The following DAPK1 variants were observed in gnomAD, a reference collection of about 807,000 sequenced individuals.
DAPK1 encodes death associated protein kinase 1, also known as death-associated protein kinase 1.
A neutral mutation model predicts 144.9 loss-of-function variants in DAPK1; 56 were observed. The observed-to-expected ratio is 0.39, with a 90% confidence interval of 0.31 to 0.48. The LOEUF is 0.48. Among genes scored for constraint, DAPK1 ranks in the 20% least tolerant of loss-of-function variants. The probability of loss-of-function intolerance (pLI) is 0.95; values close to 1 mark genes in which losing one functional copy is unlikely to be tolerated. For missense variants in DAPK1, 1,454 were observed against 1,875.4 expected, an observed-to-expected ratio of 0.78 and a Z score of 4.15; for synonymous variants, 690 against 749.0, an observed-to-expected ratio of 0.92 and a Z score of 1.29.
At chr9:87,576,534 C>T (rs899858910) in intron 2 of DAPK1, among the ~76,000 whole-genome samples, 5 of 151,942 alleles carry the variant, frequency 3.3e-5, no homozygotes, top group Non-Finnish European at 5.9e-5. Context: ...TGATAAATTA[C>T]TGTGTTTCTC....
chr9:87,540,802 G>A (rs1008346063), intron 2 of DAPK1, among the ~76,000 whole-genome samples: 7 of 152,028 alleles, frequency 4.6e-5, no homozygotes, highest in Non-Finnish European at 8.8e-5. Flanking sequence ...GTCTCTTAAG[G>A]GAACCTGCAT....
intron 24 of DAPK1, chr9:87,701,834 A>G (rs1357167433): frequency 4.3e-6 from 2 of 468,898 alleles, no homozygotes; most frequent in East Asian, 1.4e-4. Flanking sequence ...TCCTGTCTCC[A>G]GAAAACCCTG....
chr9:87,662,641 A>T (rs1449726894), intron 18 of DAPK1, among the ~76,000 whole-genome samples: 1 of 128,666 alleles, frequency 7.8e-6, no homozygotes, highest in African/African-American at 3.0e-5. Flanking sequence ...CGTCATTGGT[A>T]TATAGGAACT....
At chr9:87,621,245 A>G (rs1587778017) in intron 3 of DAPK1, among the ~76,000 whole-genome samples, 1 of 152,036 alleles carries the variant, frequency 6.6e-6, no homozygotes, top group South Asian at 2.1e-4. Flanking sequence ...GTGGCTGGAG[A>G]TGATCACCTG....
intron 2 of DAPK1, among the ~76,000 whole-genome samples, chr9:87,547,749 CTCTGAAGGCCA>C (rs1469645112): frequency 2.0e-5 from 3 of 152,034 alleles, no homozygotes; most frequent in African/African-American, 7.2e-5. Flanking sequence ...CTCATCTGGA[CTCTGAAGGCCA>C]TCTGCTGGCA....
intron 2 of DAPK1, among the ~76,000 whole-genome samples, chr9:87,591,638 T>C (rs188476272): frequency 6.6e-6 from 1 of 152,346 alleles, no homozygotes; most frequent in East Asian, 1.9e-4. Context: ...AATGCATTGG[T>C]GGGTCACTAT....
intron 2 of DAPK1, among the ~76,000 whole-genome samples, chr9:87,505,595 C>T (rs1824556429): frequency 6.6e-6 from 1 of 152,152 alleles, no homozygotes; most frequent in South Asian, 2.1e-4. Flanking sequence ...CGGGGTTTCA[C>T]CATCTTGGCC....
chr9:87,619,473 A>G (rs1329568092), intron 3 of DAPK1, among the ~76,000 whole-genome samples: 2 of 152,190 alleles, frequency 1.3e-5, no homozygotes, highest in East Asian at 1.9e-4. Context: ...AGGAACCGCA[A>G]TGAGGAGCTT....
At chr9:87,609,226 C>T (rs887975759) in intron 3 of DAPK1, among the ~76,000 whole-genome samples, 5 of 152,328 alleles carry the variant, frequency 3.3e-5, no homozygotes, top group African/African-American at 1.2e-4. Flanking sequence ...TGGAACTACA[C>T]CAGCAGCTCT....
At chr9:87,645,814 G>T in intron 11 of DAPK1, 81 bp from the exon 12 acceptor site, 1 of 1,550,864 alleles carries the variant, frequency 6.4e-7, no homozygotes, top group South Asian at 1.2e-5. Context: ...GTTAACAAGT[G>T]AGCACAGGTT....
At chr9:87,509,530 T>A (rs1824751196) in intron 2 of DAPK1, among the ~76,000 whole-genome samples, 1 of 152,060 alleles carries the variant, frequency 6.6e-6, no homozygotes, top group South Asian at 2.1e-4. Flanking sequence ...CCCGCTAATT[T>A]TATATTTTTA....
intron 17 of DAPK1, among the ~76,000 whole-genome samples, chr9:87,654,200 C>T (rs1446468043): frequency 1.3e-5 from 2 of 152,136 alleles, no homozygotes; most frequent in Non-Finnish European, 2.9e-5. Flanking sequence ...CTCTGAATTC[C>T]ATATAGATGT....
chr9:87,609,809 T>G (rs1020617907), intron 3 of DAPK1, among the ~76,000 whole-genome samples: 1 of 152,138 alleles, frequency 6.6e-6, no homozygotes, highest in African/African-American at 2.4e-5. Context: ...GTGGATATAG[T>G]TTTTGGATTT....
Position 87,700,178 on chromosome 9 carries a change from T to C in DAPK1, c.2812T>C (p.Ser938Pro). 2 of 1,607,626 alleles carry C rather than the reference T, an allele frequency of 1.2e-6. No individual in the cohort carries two copies. Among genetic ancestry groups the C allele is most frequent in the Non-Finnish European group, 1.7e-6 (2 of 1,174,066 alleles). ...LFVLDAGASG[S>P]KDMKVLRNHL... Reference sequence around the variant, plus strand: ...TGTTCTGGATGCTGGGGCTTCTGGGTCAAAGGACATGAAGGTACTTCGAAA... The same window carrying C: ...TGTTCTGGATGCTGGGGCTTCTGGGCCAAAGGACATGAAGGTACTTCGAAA... Residue 938 changes from serine (S) to proline (P), a missense_variant, in exon 24 of 26, where the codon TCA (serine) becomes CCA (proline). By Grantham distance (74) the Ser-to-Pro change is moderately conservative. Coordinates refer to ENST00000408954, the MANE Select transcript of DAPK1 (RefSeq NM_004938.4).
chr9:87,631,480 C>G (rs1203914875), intron 3 of DAPK1, among the ~76,000 whole-genome samples: 1 of 152,172 alleles, frequency 6.6e-6, no homozygotes, highest in Non-Finnish European at 1.5e-5. Flanking sequence ...TTTTCCAGCT[C>G]TCTTGGTGAA....
Position 87,697,170 on chromosome 9 carries a change from C to T in DAPK1, c.2577C>T (p.Phe859=), listed in dbSNP as rs376600898. The part of the protein sequence containing the change: ...QLNQVIFWLS[F]LKSLVPVEEP... ...ACCAAGTGATTTTCTGGCTCAGTTT[C>T]CTGAAGTCCCTTGTCCCAGTTGAAG... is the stretch of plus-strand genomic sequence containing the variant. Residue 859 remains phenylalanine (F), a synonymous_variant, in exon 22 of 26, where the codon TTC becomes TTT. Coordinates refer to ENST00000408954, the MANE Select transcript of DAPK1 (RefSeq NM_004938.4). 1.6e-5 allele frequency: 26 copies of T among 1,580,124 alleles called. No homozygotes were observed. The African/African-American group carries it at 2.8e-4, about 17-fold the overall frequency.
chr9:87,558,223 A>G (rs111828342), intron 2 of DAPK1, among the ~76,000 whole-genome samples: 199 of 152,172 alleles, frequency 1.3e-3, no homozygotes, highest in African/African-American at 4.6e-3. Context: ...TTAGGGACTC[A>G]CATGTTACTG....
intron 2 of DAPK1, among the ~76,000 whole-genome samples, chr9:87,602,689 A>G (rs931978792): frequency 1.3e-5 from 2 of 151,122 alleles, no homozygotes; most frequent in African/African-American, 4.9e-5. Flanking sequence ...GCTGGAGTGC[A>G]GTGGCACAAT....
chr9:87,587,483 TAG>T (rs1181378959), intron 2 of DAPK1, among the ~76,000 whole-genome samples: 2 of 152,170 alleles, frequency 1.3e-5, no homozygotes, highest in African/African-American at 2.4e-5. Flanking sequence ...CAGCTTCAGT[TAG>T]AGTCTTTTTT....
Sources: allele counts gnomAD v4.1 joint callset (sites outside exome capture counted in the v4.1 genomes callset), GRCh38; gene constraint gnomAD v4.1.1; transcripts MANE v1.5; gene names NCBI Gene and HGNC (gene_info 2026-07-23, HGNC 2026-07-21).